Variants in GRM1 observed in about 807,000 individuals in gnomAD.
GRM1 encodes the protein metabotropic glutamate receptor 1.
A neutral mutation model predicts 90.9 loss-of-function variants in GRM1; 33 were observed. That is an observed-to-expected ratio of 0.36 (90% CI 0.28 to 0.49). The LOEUF is 0.49. Among genes scored for constraint, GRM1 ranks in the 20% least tolerant of loss-of-function variants. The pLI is 0.99. For missense variants in GRM1, 1,190 were observed against 1,534.3 expected, an observed-to-expected ratio of 0.78 and a Z score of 3.75; for synonymous variants, 700 against 613.2, an observed-to-expected ratio of 1.14 and a Z score of -2.09.
chr6:146,073,326 C>T (rs1776078439), intron 1 of GRM1, among the ~76,000 whole-genome samples: 1 of 151,986 alleles, frequency 6.6e-6, no homozygotes, highest in Non-Finnish European at 1.5e-5. Flanking sequence ...TGGGTTAGAA[C>T]ACACATAGTT....
rs554277875 is a variant in GRM1 at position 146,399,022 on chromosome 6, C to T, written c.1983C>T (p.Arg661=). The change falls in exon 7 of 8, where the codon CGC becomes CGT. Residue 661 remains arginine (R), a synonymous_variant. Transcript: ENST00000282753. The surrounding 1 kb of genome is among the most constrained non-coding windows in gnomAD (Gnocchi z 5.4). ...CTACCACCTCCTGCTACCTCCAGCG[C>T]CTCTTGGTTGGCCTCTCCTCTGCGA... ...KPTTTSCYLQ[R]LLVGLSSAMC... is the part of the protein sequence containing the mutation. The T allele has an allele frequency of 3.4e-5, 55 of 1,614,102 alleles. No homozygotes were observed. The highest frequency in any genetic ancestry group is 4.3e-5 in the Non-Finnish European group (51 of 1,180,000).
intron 1 of GRM1, among the ~76,000 whole-genome samples, chr6:146,076,342 G>A (rs1177390168): frequency 4.6e-5 from 7 of 152,174 alleles, no homozygotes; most frequent in Non-Finnish European, 7.3e-5. Context: ...TCTGTCAGCC[G>A]TGTTGAGAAT....
intron 7 of GRM1, among the ~76,000 whole-genome samples, chr6:146,402,210 C>T (rs922462395): frequency 5.9e-5 from 9 of 151,984 alleles, no homozygotes; most frequent in Non-Finnish European, 5.9e-5. Flanking sequence ...AGTTATAACC[C>T]GCAGCTTTCT....
rs1394425848 is a variant in GRM1 at position 146,419,018 on chromosome 6, A to G, written c.2661-14854A>G. On this transcript the variant is annotated intron_variant, in intron 7 of 7. Transcript: ENST00000282753. The stretch of plus-strand genomic sequence containing the variant: ...AGACTATGGCCTATGGGAGATTAGA[A>G]TTAACATTAATAACATATAAGGAGT... 2.0e-5 allele frequency among the ~76,000 whole-genome samples: 3 copies of G among 152,202 alleles called. No homozygotes were observed. In the East Asian group the frequency reaches 5.8e-4, roughly 29 times the overall value.
chr6:146,362,550 G>C (rs986510148), intron 5 of GRM1, among the ~76,000 whole-genome samples: 15 of 149,784 alleles, frequency 1.0e-4, no homozygotes, highest in African/African-American at 3.8e-4. Context: ...GTGGTGGCAG[G>C]CGCCTGTAAT....
chr6:146,388,331 G>T (rs147448152), intron 6 of GRM1, among the ~76,000 whole-genome samples: 5 of 151,898 alleles, frequency 3.3e-5, no homozygotes, highest in African/African-American at 1.2e-4. Flanking sequence ...GTCTTTTTGG[G>T]TGCTGTTGAA....
intron 1 of GRM1, among the ~76,000 whole-genome samples, chr6:146,156,700 T>C (rs919822971): frequency 3.9e-5 from 6 of 152,226 alleles, no homozygotes; most frequent in African/African-American, 1.4e-4. Context: ...AATCTTCATA[T>C]TAGGCTCTGT....
intron 2 of GRM1, among the ~76,000 whole-genome samples, chr6:146,267,930 CTGAG>C (rs1781979961): frequency 6.6e-6 from 1 of 152,132 alleles, no homozygotes; most frequent in East Asian, 1.9e-4. Flanking sequence ...CAAGTTGACA[CTGAG>C]TATTAACCAT....
intron 1 of GRM1, among the ~76,000 whole-genome samples, chr6:146,091,353 T>C (rs1220328249): frequency 6.6e-6 from 1 of 151,830 alleles, no homozygotes; most frequent in African/African-American, 2.4e-5. Flanking sequence ...CCTCCTAATA[T>C]TTTGATAGTG....
chr6:146,163,350 A>G (rs1777802898), intron 2 of GRM1, among the ~76,000 whole-genome samples: 2 of 152,176 alleles, frequency 1.3e-5, no homozygotes, highest in Admixed American at 6.5e-5. Context: ...AATTGTAATA[A>G]TGATTGTGAT....
chr6:146,169,016 A>G (rs920234994), intron 2 of GRM1, among the ~76,000 whole-genome samples: 2 of 152,084 alleles, frequency 1.3e-5, no homozygotes, highest in Non-Finnish European at 2.9e-5. Context: ...TTCTTCAAAT[A>G]TTATTTCTGC....
intron 2 of GRM1, among the ~76,000 whole-genome samples, chr6:146,271,142 T>C (rs1280788554): frequency 6.6e-6 from 1 of 151,762 alleles, no homozygotes; most frequent in Non-Finnish European, 1.5e-5. Context: ...GTAGCTGTGA[T>C]TACTGGCACA....
chr6:146,266,065 T>C (rs929335259), intron 2 of GRM1, among the ~76,000 whole-genome samples: 1 of 152,066 alleles, frequency 6.6e-6, no homozygotes, highest in Non-Finnish European at 1.5e-5. Flanking sequence ...GGTGCGTGCC[T>C]GTAATCCCAG....
chr6:146,184,153 G>A (rs1778642230), intron 2 of GRM1, among the ~76,000 whole-genome samples: 2 of 152,066 alleles, frequency 1.3e-5, no homozygotes, highest in Non-Finnish European at 2.9e-5. Flanking sequence ...ATAAATCTTG[G>A]GTCCAGCCTG....
intron 7 of GRM1, among the ~76,000 whole-genome samples, chr6:146,424,067 A>G (rs1778108372): frequency 6.6e-6 from 1 of 152,200 alleles, no homozygotes; most frequent in South Asian, 2.1e-4. Flanking sequence ...GGCAGAGGTC[A>G]TAGGGAAGTT....
At chr6:146,230,042 A>G (rs1780390660) in intron 2 of GRM1, among the ~76,000 whole-genome samples, 1 of 152,300 alleles carries the variant, frequency 6.6e-6, no homozygotes, top group South Asian at 2.1e-4. Context: ...AAAGGACTTA[A>G]TTATTTGGGA....
At chr6:146,246,906 TATTAAGGGAG>T (rs1229588316) in intron 2 of GRM1, among the ~76,000 whole-genome samples, 3 of 152,196 alleles carry the variant, frequency 2.0e-5, no homozygotes, top group Non-Finnish European at 4.4e-5. Context: ...AAACCAGTTA[TATTAAGGGAG>T]TCTCTTTTGG....
At chr6:146,275,066 G>C (rs1047707082) in intron 2 of GRM1, among the ~76,000 whole-genome samples, 3 of 152,114 alleles carry the variant, frequency 2.0e-5, no homozygotes, top group African/African-American at 7.2e-5. Flanking sequence ...AAAAGAAAAA[G>C]ATGGCACTTG....
At chr6:146,044,625 G>T (rs1456582110) in intron 1 of GRM1, among the ~76,000 whole-genome samples, 1 of 151,932 alleles carries the variant, frequency 6.6e-6, no homozygotes, top group Non-Finnish European at 1.5e-5. Context: ...ACATGTGAGG[G>T]ATAAATTAAT....
Sources: allele counts gnomAD v4.1 joint callset (sites outside exome capture counted in the v4.1 genomes callset), GRCh38; gene constraint gnomAD v4.1.1; non-coding constraint Gnocchi (gnomAD v3.1); transcripts MANE v1.5; gene names NCBI Gene and HGNC (gene_info 2026-07-23, HGNC 2026-07-21).